Variants in CIRSR observed in about 807,000 individuals in gnomAD.
The protein encoded by CIRSR is corepressor of RBPJ and splicing regulator, also known as CBF1 (RBPJ) interacting corepressor 1.
At chr2:174,369,162 T>C in the CIRSR span, among the ~76,000 whole-genome samples, 2 of 152,256 alleles carry the variant, frequency 1.3e-5, no homozygotes, top group Non-Finnish European at 1.5e-5. Flanking sequence ...ATCTTAGCTA[T>C]ATTTTCTGGA....
At chr2:174,368,133 G>T in the CIRSR span, among the ~76,000 whole-genome samples, 1 of 152,104 alleles carries the variant, frequency 6.6e-6, no homozygotes, top group Non-Finnish European at 1.5e-5. Context: ...AGCTGGAGAT[G>T]TCAACACCCC....
At chr2:174,388,264 T>A in the CIRSR span, among the ~76,000 whole-genome samples, 1 of 152,338 alleles carries the variant, frequency 6.6e-6, no homozygotes, top group Admixed American at 6.5e-5. Context: ...AATGGCATGA[T>A]CTTGGCTCAC....
the CIRSR span, among the ~76,000 whole-genome samples, chr2:174,362,686 C>CAAAAA: frequency 7.7e-4 from 16 of 20,676 alleles, 1 homozygote; most frequent in African/African-American, 9.5e-4. Context: ...GACTCTGCCT[C>CAAAAA]AAAAAAAAAA....
At chr2:174,353,477 T>C in the CIRSR span, among the ~76,000 whole-genome samples, 2 of 152,160 alleles carry the variant, frequency 1.3e-5, no homozygotes. Context: ...TTTTTGTGTG[T>C]GTGTGTGTGA....
the CIRSR span, among the ~76,000 whole-genome samples, chr2:174,362,781 T>C: frequency 3.3e-5 from 5 of 149,558 alleles, no homozygotes; most frequent in African/African-American, 1.2e-4. Flanking sequence ...GAGAGATAGG[T>C]AATACAGAGT....
chr2:174,381,880 T>C, the CIRSR span: 17 of 761,268 alleles, frequency 2.2e-5, no homozygotes, highest in Non-Finnish European at 3.6e-5. Context: ...TAAGATAAAA[T>C]ATTTTTGTTA....
the CIRSR span, among the ~76,000 whole-genome samples, chr2:174,359,176 A>C: frequency 4.6e-5 from 7 of 152,204 alleles, no homozygotes; most frequent in Non-Finnish European, 1.0e-4. Flanking sequence ...ATTAGGAATT[A>C]GAAAAATGGT....
At chr2:174,395,537 G>A in the CIRSR span, 1 of 1,613,536 alleles carries the variant, frequency 6.2e-7, no homozygotes, top group Non-Finnish European at 8.5e-7. Context: ...CCCTCCCCGG[G>A]TCTGTTTACT....
the CIRSR span, chr2:174,348,986 T>A: frequency 8.4e-5 from 135 of 1,597,852 alleles, no homozygotes; most frequent in Middle Eastern, 1.7e-4. Context: ...TCCTTTGTAT[T>A]TTTTTTTCTT....
the CIRSR span, among the ~76,000 whole-genome samples, chr2:174,372,955 G>A: frequency 1.3e-5 from 2 of 151,938 alleles, no homozygotes; most frequent in African/African-American, 4.8e-5. Context: ...ATTTCCTTAG[G>A]GTAGATTCAT....
chr2:174,374,275 C>A, the CIRSR span, among the ~76,000 whole-genome samples: 1 of 152,326 alleles, frequency 6.6e-6, no homozygotes, highest in South Asian at 2.1e-4. Context: ...CTTCAAAGCT[C>A]ATTTTAGTCC....
At chr2:174,351,342 G>A in the CIRSR span, among the ~76,000 whole-genome samples, 1 of 152,064 alleles carries the variant, frequency 6.6e-6, no homozygotes, top group Non-Finnish European at 1.5e-5. Flanking sequence ...TAAGTTAGCA[G>A]GAAGGAAAAA....
chr2:174,362,434 T>C, the CIRSR span, among the ~76,000 whole-genome samples: 4 of 152,228 alleles, frequency 2.6e-5, no homozygotes, highest in East Asian at 5.8e-4. Flanking sequence ...GGAGTCAATG[T>C]TTATTCACTT....
chr2:174,357,832 A>G, the CIRSR span, among the ~76,000 whole-genome samples: 2 of 152,234 alleles, frequency 1.3e-5, no homozygotes, highest in East Asian at 1.9e-4. Flanking sequence ...AACACCCAGG[A>G]AAAAAAGTGA....
the CIRSR span, among the ~76,000 whole-genome samples, chr2:174,369,402 T>C: frequency 6.6e-6 from 1 of 152,228 alleles, no homozygotes; most frequent in African/African-American, 2.4e-5. Context: ...TTACTAAATT[T>C]TCCTCCATAT....
the CIRSR span, among the ~76,000 whole-genome samples, chr2:174,383,038 A>G: frequency 5.6e-4 from 86 of 152,368 alleles, no homozygotes; most frequent in Non-Finnish European, 1.1e-3. Context: ...ATATATGTAG[A>G]TATAAATAGA....
the CIRSR span, among the ~76,000 whole-genome samples, chr2:174,390,828 G>A: frequency 2.2e-3 from 338 of 152,218 alleles, 4 homozygotes; most frequent in African/African-American, 6.1e-3. Flanking sequence ...TCTTTTGCTC[G>A]GCATTTCTCC....
the CIRSR span, among the ~76,000 whole-genome samples, chr2:174,382,794 G>GA: frequency 0.035 from 5,297 of 150,048 alleles, 136 homozygotes; most frequent in Non-Finnish European, 0.053. Context: ...AGGCTTTTTA[G>GA]AAAAAAAAAG....
the CIRSR span, among the ~76,000 whole-genome samples, chr2:174,382,466 C>T: frequency 2.0e-4 from 31 of 152,098 alleles, no homozygotes; most frequent in Admixed American, 4.6e-4. Flanking sequence ...TGCAGAAACC[C>T]CGTCTCTACC....
Sources: allele counts gnomAD v4.1 joint callset (sites outside exome capture counted in the v4.1 genomes callset), GRCh38; gene constraint gnomAD v4.1.1; transcripts MANE v1.5; gene names NCBI Gene and HGNC (gene_info 2026-07-23, HGNC 2026-07-21).